Variants in PRKN observed in about 807,000 individuals in gnomAD.
PRKN encodes the protein E3 ubiquitin-protein ligase parkin.
Under a neutral mutation model 59.5 loss-of-function variants are expected in PRKN, and 56 were observed. That is an observed-to-expected ratio of 0.94 (90% CI 0.76 to 1.18). The LOEUF (loss-of-function observed/expected upper bound fraction) is 1.18, where lower values mean the gene tolerates loss of function less well. Ranked by LOEUF, PRKN falls within the 50% of genes most tolerant of loss-of-function variation. The pLI is 0.00. For missense variants in PRKN, 657 were observed against 596.4 expected, an observed-to-expected ratio of 1.10 and a Z score of -1.06; for synonymous variants, 250 against 222.1, an observed-to-expected ratio of 1.13 and a Z score of -1.12.
chr6:161,608,979 A>G (rs543002635), intron 7 of PRKN, among the ~76,000 whole-genome samples: 61 of 152,318 alleles, frequency 4.0e-4, no homozygotes, highest in African/African-American at 1.2e-3. Flanking sequence ...ATGCCCGTCA[A>G]ACATACAGAA....
chr6:162,261,489 C>G (rs1779884086), intron 3 of PRKN, among the ~76,000 whole-genome samples: 1 of 152,110 alleles, frequency 6.6e-6, no homozygotes, highest in Admixed American at 6.6e-5. Context: ...GTTGAAACGT[C>G]AGAATTGTTA....
intron 5 of PRKN, among the ~76,000 whole-genome samples, chr6:162,024,106 T>C (rs1261324163): frequency 6.6e-6 from 1 of 152,040 alleles, no homozygotes; most frequent in East Asian, 1.9e-4. Context: ...TTTAATGATA[T>C]TGATTCTTCC....
intron 1 of PRKN, among the ~76,000 whole-genome samples, chr6:162,536,907 G>C (rs536799157): frequency 6.6e-6 from 1 of 152,236 alleles, no homozygotes; most frequent in East Asian, 1.9e-4. Context: ...ACATATGTAA[G>C]TCTATACATA....
chr6:162,394,166 T>A (rs1408518087), intron 2 of PRKN, among the ~76,000 whole-genome samples: 1 of 152,194 alleles, frequency 6.6e-6, no homozygotes, highest in Non-Finnish European at 1.5e-5. Context: ...AGAATATACT[T>A]GTTCAAAAAT....
intron 2 of PRKN, among the ~76,000 whole-genome samples, chr6:162,324,823 GAATAAA>G (rs1448372551): frequency 1.3e-5 from 2 of 151,930 alleles, no homozygotes; most frequent in East Asian, 1.9e-4. Context: ...TGAAGGGGAA[GAATAAA>G]AATAAAAATA....
intron 9 of PRKN, among the ~76,000 whole-genome samples, chr6:161,476,521 C>T (rs955688822): frequency 6.6e-6 from 1 of 152,132 alleles, no homozygotes; most frequent in Non-Finnish European, 1.5e-5. Flanking sequence ...AATATTTATG[C>T]GTCTCCAACT....
intron 7 of PRKN, among the ~76,000 whole-genome samples, chr6:161,580,235 G>T (rs1013891938): frequency 1.4e-4 from 22 of 152,150 alleles, no homozygotes; most frequent in African/African-American, 5.3e-4. Context: ...CCAAAATGAT[G>T]AATCTGAGCA....
intron 6 of PRKN, among the ~76,000 whole-genome samples, chr6:161,815,962 A>G (rs1252690492): frequency 1.3e-5 from 2 of 152,252 alleles, no homozygotes; most frequent in East Asian, 3.9e-4. Flanking sequence ...AAAGGTGAAC[A>G]TGTATCTAAC....
At chr6:161,844,703 C>G (rs1052283476) in intron 6 of PRKN, among the ~76,000 whole-genome samples, 4 of 152,230 alleles carry the variant, frequency 2.6e-5, no homozygotes, top group Non-Finnish European at 5.9e-5. Context: ...TTCTTGTTCA[C>G]AAGGTCAGAG....
chr6:161,455,194 A>G (rs139925556), intron 9 of PRKN, among the ~76,000 whole-genome samples: 2,687 of 152,026 alleles, frequency 0.018, 86 homozygotes, highest in African/African-American at 0.061. Context: ...GCCTGCCACC[A>G]TGCCCGACTA....
At chr6:161,806,305 G>A (rs1255940362) in intron 6 of PRKN, among the ~76,000 whole-genome samples, 2 of 152,156 alleles carry the variant, frequency 1.3e-5, no homozygotes, top group Non-Finnish European at 1.5e-5. Context: ...CCCTGATATC[G>A]CACACAGGAA....
chr6:161,851,501 A>C (rs1793432104), intron 6 of PRKN, among the ~76,000 whole-genome samples: 1 of 150,762 alleles, frequency 6.6e-6, no homozygotes, highest in Non-Finnish European at 1.5e-5. Flanking sequence ...TTTTTTTTTG[A>C]GACAGAGTCT....
intron 4 of PRKN, among the ~76,000 whole-genome samples, chr6:162,200,927 A>T (rs1001738177): frequency 1.3e-5 from 2 of 152,188 alleles, no homozygotes; most frequent in Non-Finnish European, 2.9e-5. Context: ...ACCCTGTGTA[A>T]TCTAAACTTT....
At chr6:161,847,065 T>C (rs954369048) in intron 6 of PRKN, among the ~76,000 whole-genome samples, 2 of 152,164 alleles carry the variant, frequency 1.3e-5, no homozygotes, top group Non-Finnish European at 2.9e-5. Context: ...ATCCCAGCAC[T>C]GTGGGAGGCC....
chr6:161,820,955 A>G (rs912340982), intron 6 of PRKN, among the ~76,000 whole-genome samples: 1 of 151,952 alleles, frequency 6.6e-6, no homozygotes. Context: ...AACTCTCTGT[A>G]CAGCGTGATT....
At chr6:161,942,733 T>C (rs1405884047) in intron 6 of PRKN, among the ~76,000 whole-genome samples, 4 of 152,106 alleles carry the variant, frequency 2.6e-5, no homozygotes, top group Non-Finnish European at 4.4e-5. Flanking sequence ...GGGAGAAGAC[T>C]GTTCATATCA....
At chr6:161,676,981 G>C (rs1158328933) in intron 7 of PRKN, among the ~76,000 whole-genome samples, 1 of 152,160 alleles carries the variant, frequency 6.6e-6, no homozygotes, top group Non-Finnish European at 1.5e-5. Context: ...CAAGGAGAAT[G>C]CACAAAACCA....
chr6:162,292,296 C>A (rs1055575424), intron 2 of PRKN, among the ~76,000 whole-genome samples: 2 of 152,130 alleles, frequency 1.3e-5, no homozygotes. Context: ...TGGCACTGAT[C>A]CGTCTTTCAA....
chr6:162,713,406 A>G (rs1299794774), intron 1 of PRKN, among the ~76,000 whole-genome samples: 2 of 147,468 alleles, frequency 1.4e-5, no homozygotes, highest in Non-Finnish European at 1.5e-5. Context: ...AGGCAGGAGA[A>G]TGGCGTGAAC....
Sources: allele counts gnomAD v4.1 joint callset (sites outside exome capture counted in the v4.1 genomes callset), GRCh38; gene constraint gnomAD v4.1.1; transcripts MANE v1.5; gene names NCBI Gene and HGNC (gene_info 2026-07-23, HGNC 2026-07-21).